PRPS1: variants seen among roughly 807,000 people sequenced by gnomAD.
The protein encoded by PRPS1 is ribose-phosphate pyrophosphokinase 1.
Under a neutral mutation model 16.9 loss-of-function variants are expected in PRPS1, and 1 was observed. The observed-to-expected ratio is 0.06, with a 90% confidence interval of 0.02 to 0.28. The LOEUF is 0.28. Among genes scored for constraint, PRPS1 ranks in the 10% least tolerant of loss-of-function variants. The pLI is 1.00. For missense variants in PRPS1, 47 were observed against 254.0 expected, an observed-to-expected ratio of 0.19 and a Z score of 5.54; for synonymous variants, 70 against 90.2, an observed-to-expected ratio of 0.78 and a Z score of 1.27.
At chrX:107,642,835 AT>A (rs1925605817) in intron 4 of PRPS1, among the ~76,000 whole-genome samples, 1 of 112,155 alleles carries the variant, frequency 8.9e-6, no homozygotes, top group Non-Finnish European at 1.9e-5. Context: ...TGAACCACAT[AT>A]TGGTGGACAA....
intron 5 of PRPS1, among the ~76,000 whole-genome samples, chrX:107,646,278 T>TATG (rs1187530693): frequency 3.7e-5 from 4 of 109,348 alleles, no homozygotes; most frequent in Non-Finnish European, 3.8e-5. Flanking sequence ...AATTATTTAT[T>TATG]ATTATTATTA....
At chrX:107,635,999 G>T (rs1305960457) in intron 1 of PRPS1, among the ~76,000 whole-genome samples, 1 of 99,827 alleles carries the variant, frequency 1.0e-5, no homozygotes, top group African/African-American at 3.8e-5. Flanking sequence ...GGTGGAGGTC[G>T]CAGTGAGCCA....
chrX:107,638,170 C>T (rs1404298058), intron 1 of PRPS1, among the ~76,000 whole-genome samples: 1 of 109,520 alleles, frequency 9.1e-6, no homozygotes, highest in African/African-American at 3.3e-5. Context: ...AGCGCAGTAG[C>T]GTGATCTTGG....
At chrX:107,641,691 A>G (rs141373920) in intron 3 of PRPS1, among the ~76,000 whole-genome samples, 1,612 of 112,040 alleles carry the variant, frequency 0.014, 29 homozygotes, top group African/African-American at 0.049. Context: ...CAGATATTGG[A>G]GCCTACTTTC....
intron 1 of PRPS1, among the ~76,000 whole-genome samples, chrX:107,631,490 A>AT (rs935037910): frequency 2.7e-5 from 3 of 111,578 alleles, no homozygotes; most frequent in Admixed American, 9.6e-5. Flanking sequence ...TTTTGATCTA[A>AT]TGCTTTTATA....
At chrX:107,640,186 A>G (rs2147681930) in intron 2 of PRPS1, among the ~76,000 whole-genome samples, 1 of 112,364 alleles carries the variant, frequency 8.9e-6, no homozygotes, top group Non-Finnish European at 1.9e-5. Flanking sequence ...CTAAAATACA[A>G]AAGAAATTAT....
chrX:107,646,853 C>T (rs1373397499), intron 5 of PRPS1, among the ~76,000 whole-genome samples: 3 of 112,255 alleles, frequency 2.7e-5, no homozygotes, highest in Admixed American at 9.4e-5. Context: ...TGTGTCTGCC[C>T]ACATTTTAAT....
intron 4 of PRPS1, among the ~76,000 whole-genome samples, chrX:107,643,836 T>A (rs1186920131): frequency 9.0e-6 from 1 of 111,408 alleles, no homozygotes; most frequent in East Asian, 2.8e-4. Flanking sequence ...GAGTACAGGG[T>A]ATGGTTGGTT....
chrX:107,634,593 A>G (rs1002315495), intron 1 of PRPS1, among the ~76,000 whole-genome samples: 1 of 110,268 alleles, frequency 9.1e-6, no homozygotes, highest in Non-Finnish European at 1.9e-5. Context: ...ATAAAGGCAT[A>G]TGCAATCGAT....
chrX:107,650,584 C>T lies in PRPS1; in HGVS notation c.*552C>T. 3.2e-6 allele frequency: 1 copy of T among 315,433 alleles called. No individual in the cohort carries two copies. Among genetic ancestry groups the T allele is most frequent in the Non-Finnish European group, 5.5e-6 (1 of 181,876 alleles). 26.0% of individuals were successfully genotyped at this position (315,433 alleles called of 1,213,427 possible). On this transcript the variant is annotated 3_prime_UTR_variant, in exon 7 of 7. Transcript: ENST00000372435. Reference sequence around the variant, plus strand: ...GGGGTGGTTGAGGGGGGAGGCAGCACAGTGCAGCAAATGTTTCTTGGGAGG... The same window carrying T: ...GGGGTGGTTGAGGGGGGAGGCAGCATAGTGCAGCAAATGTTTCTTGGGAGG...
chrX:107,640,155 C>T (rs914854525), intron 2 of PRPS1, among the ~76,000 whole-genome samples: 7 of 112,205 alleles, frequency 6.2e-5, no homozygotes, highest in Admixed American at 1.9e-4. Flanking sequence ...GCCTGGGCAA[C>T]GCTGTGAAAC....
At chrX:107,642,572 C>CAAGTGGCAGTTTTT in intron 4 of PRPS1, 82 bp downstream of exon 4, 1 of 1,153,768 alleles carries the variant, frequency 8.7e-7, no homozygotes, top group South Asian at 1.8e-5. Context: ...TTTTTCTATC[C>CAAGTGGCAGTTTTT]AAGTGGCAGT....
chrX:107,634,276 G>A (rs745757185), intron 1 of PRPS1, among the ~76,000 whole-genome samples: 3 of 109,269 alleles, frequency 2.7e-5, no homozygotes, highest in Non-Finnish European at 3.8e-5. Flanking sequence ...GTGCAGTGGC[G>A]CGATCTCGGT....
At chrX:107,635,140 G>A (rs1384189362) in intron 1 of PRPS1, among the ~76,000 whole-genome samples, 1 of 110,230 alleles carries the variant, frequency 9.1e-6, no homozygotes, top group East Asian at 3.1e-4. Flanking sequence ...CGTGCCCAGC[G>A]ATAATGATAA....
chrX:107,646,995 A>G (rs1328731765), intron 5 of PRPS1, among the ~76,000 whole-genome samples: 1 of 112,706 alleles, frequency 8.9e-6, no homozygotes, highest in Non-Finnish European at 1.9e-5. Context: ...GTCCTTTGAC[A>G]CTAATTCAGA....
At chrX:107,629,338 G>T (rs1272065164) in intron 1 of PRPS1, among the ~76,000 whole-genome samples, 1 of 111,610 alleles carries the variant, frequency 9.0e-6, no homozygotes, top group Non-Finnish European at 1.9e-5. Flanking sequence ...CTCATCTTAT[G>T]AATCATCTAC....
intron 1 of PRPS1, among the ~76,000 whole-genome samples, chrX:107,636,056 CA>C (rs965370775): frequency 0.24 from 10,546 of 43,172 alleles, 637 homozygotes; most frequent in Middle Eastern, 0.35. Flanking sequence ...GAGACTGTCT[CA>C]AAAAAAAAAA....
intron 1 of PRPS1, among the ~76,000 whole-genome samples, chrX:107,638,536 G>A (rs967519939): frequency 1.8e-5 from 2 of 111,387 alleles, no homozygotes; most frequent in East Asian, 2.8e-4. Flanking sequence ...GAGCCATCAC[G>A]CCCGGCCATA....
At chrX:107,628,803 T>C (rs1925243707) in intron 1 of PRPS1, 53 bp downstream of exon 1, 1 of 1,204,200 alleles carries the variant, frequency 8.3e-7, no homozygotes, top group African/African-American at 1.8e-5. Flanking sequence ...GGCGGCAGAG[T>C]ATAGGAGGGA....
Sources: gnomAD v4.1 joint callset for allele counts (sites outside exome capture counted in the v4.1 genomes callset) on GRCh38, gnomAD v4.1.1 for gene constraint, MANE v1.5 for transcripts, NCBI Gene and HGNC (gene_info 2026-07-23, HGNC 2026-07-21) for gene names.